Variants in GHR observed in about 807,000 individuals in gnomAD.
GHR encodes the protein GH receptor.
Under a neutral mutation model 67.1 loss-of-function variants are expected in GHR, and 35 were observed. That is an observed-to-expected ratio of 0.52 (90% CI 0.40 to 0.69). GHR has a LOEUF of 0.69. GHR is among the 30% of genes least tolerant of loss of function. The probability of loss-of-function intolerance (pLI) is 0.00; values close to 1 mark genes in which losing one functional copy is unlikely to be tolerated. For synonymous variants in GHR, 272 were observed against 269.1 expected (o/e 1.01, Z -0.10); for missense variants, 792 against 764.6 (o/e 1.04, Z -0.42).
At position 42,485,485 on chromosome 5, in the gene GHR, C is replaced by G. The variant is rs183536298; in HGVS notation, c.-12+61530C>G. On this transcript the variant is annotated intron_variant, in intron 1 of 9. Coordinates refer to ENST00000230882, the MANE Select transcript of GHR (RefSeq NM_000163.5). ...CTCTTTGATTAAATGCATGCCAGAT[C>G]CAACTTTACAGATGAGAAAAATGAG... is the stretch of plus-strand genomic sequence containing the variant. 2.0e-3 allele frequency among the ~76,000 whole-genome samples: 310 copies of G among 152,256 alleles called. 1 individual carries two copies. The highest frequency in any genetic ancestry group is 7.3e-3 in the African/African-American group (304 of 41,544).
At chr5:42,670,511 T>G (rs1222043528) in intron 3 of GHR, among the ~76,000 whole-genome samples, 1 of 151,824 alleles carries the variant, frequency 6.6e-6, no homozygotes, top group Non-Finnish European at 1.5e-5. Context: ...AAAGCAAAAA[T>G]AGACAAATGG....
At position 42,718,493 on chromosome 5, in the gene GHR, A is replaced by C. The variant is rs775435127; in HGVS notation, c.986A>C (p.His329Pro). The C allele has an allele frequency of 8.1e-6, 13 of 1,610,520 alleles. No individual in the cohort carries two copies. Among genetic ancestry groups the C allele is most frequent in the Non-Finnish European group, 1.1e-5 (13 of 1,176,778 alleles). ...LEEVNTILAI[H>P]DSYKPEFHSD... ...GAGGTGAACACAATCTTAGCCATTC[A>C]TGATAGCTATAAACCCGAATTCCAC... Residue 329 changes from histidine (H) to proline (P), a missense_variant, in exon 10 of 10, where the codon CAT becomes CCT. His to Pro is a moderately conservative substitution (Grantham distance 77). Coordinates refer to ENST00000230882, the MANE Select transcript of GHR (RefSeq NM_000163.5).
At chr5:42,490,391 C>G (rs1018078507) in intron 1 of GHR, among the ~76,000 whole-genome samples, 3 of 152,330 alleles carry the variant, frequency 2.0e-5, no homozygotes, top group African/African-American at 7.2e-5. Flanking sequence ...GCTGTACAAT[C>G]GAATCCACCT....
At chr5:42,584,750 C>T (rs7707913) in intron 2 of GHR, among the ~76,000 whole-genome samples, 43,455 of 151,734 alleles carry the variant, frequency 0.29, 7,131 homozygotes, top group African/African-American at 0.43. Context: ...TGTTAGAACA[C>T]TCATACAGAT....
At chr5:42,432,973 A>G (rs1743159823) in intron 1 of GHR, among the ~76,000 whole-genome samples, 1 of 152,194 alleles carries the variant, frequency 6.6e-6, no homozygotes, top group Admixed American at 6.6e-5. Flanking sequence ...TTTGAGGGCA[A>G]AAGGATGTAG....
At chr5:42,473,572 A>G (rs529020307) in intron 1 of GHR, among the ~76,000 whole-genome samples, 1 of 152,190 alleles carries the variant, frequency 6.6e-6, no homozygotes, top group Admixed American at 6.5e-5. Flanking sequence ...AGCAAATTAG[A>G]AAGGTCTATT....
chr5:42,529,899 A>C (rs1747882345), intron 1 of GHR, among the ~76,000 whole-genome samples: 1 of 152,140 alleles, frequency 6.6e-6, no homozygotes, highest in African/African-American at 2.4e-5. Context: ...CTTCACCTGA[A>C]ATAAGTTAAA....
chr5:42,708,110 A>T (rs1262814164), intron 6 of GHR, among the ~76,000 whole-genome samples: 3 of 152,142 alleles, frequency 2.0e-5, no homozygotes, highest in Non-Finnish European at 2.9e-5. Context: ...AAATATAACA[A>T]AGTACAAAAA....
At position 42,423,645 on chromosome 5, in the gene GHR, G is replaced by C. The variant is rs577014891; in HGVS notation, c.-322G>C. 3.9e-5 allele frequency: 6 copies of C among 153,310 alleles called. No homozygotes were observed. The highest frequency in any genetic ancestry group is 3.3e-4 in the Admixed American group (5 of 15,308). 9.5% of individuals were successfully genotyped at this position (153,310 alleles called of 1,614,324 possible). ...GCGTGACCCCTGGTGAACGGTGGCCGCCTTTTCCCACCCCTGCCCTCCCAT... is the reference window on the plus strand; with the variant it reads ...GCGTGACCCCTGGTGAACGGTGGCCCCCTTTTCCCACCCCTGCCCTCCCAT... On this transcript the variant is annotated 5_prime_UTR_variant, in exon 1 of 10. Transcript: ENST00000230882.
chr5:42,627,988 G>A (rs1210859911), intron 2 of GHR, among the ~76,000 whole-genome samples: 1 of 152,216 alleles, frequency 6.6e-6, no homozygotes, highest in Non-Finnish European at 1.5e-5. Flanking sequence ...GGAGTGGGAA[G>A]TGGGGATGGA....
intron 1 of GHR, among the ~76,000 whole-genome samples, chr5:42,526,612 A>G (rs909130949): frequency 8.5e-5 from 13 of 152,226 alleles, no homozygotes; most frequent in African/African-American, 1.4e-4. Context: ...TAAGACTTCA[A>G]AACTTCAAAG....
At chr5:42,646,349 C>T (rs1754727822) in intron 3 of GHR, 1 of 455,022 alleles carries the variant, frequency 2.2e-6, no homozygotes. Flanking sequence ...TCCATGCTCA[C>T]ATATCAAGAA....
intron 1 of GHR, among the ~76,000 whole-genome samples, chr5:42,456,467 G>A (rs944195754): frequency 1.3e-5 from 2 of 152,264 alleles, no homozygotes; most frequent in African/African-American, 4.8e-5. Flanking sequence ...CTATAGGTTA[G>A]TTTTCTCCAG....
At chr5:42,715,921 G>C (rs1441695388) in intron 8 of GHR, among the ~76,000 whole-genome samples, 3 of 152,154 alleles carry the variant, frequency 2.0e-5, no homozygotes, top group African/African-American at 7.2e-5. Context: ...CAACTGGCTT[G>C]CTTTATTCCT....
rs957709827 is a variant in GHR at position 42,424,697 on chromosome 5, C to T, written c.-12+742C>T. 4.1e-5 allele frequency: 50 copies of T among 1,207,474 alleles called. 2 individuals are homozygous for T. The South Asian group carries it at 4.8e-4, about 12-fold the overall frequency. The allele number at this position is 1,207,474 out of a possible 1,614,324, so 74.8% of individuals were successfully genotyped here. On this transcript the variant is annotated intron_variant, in intron 1 of 9. Coordinates refer to ENST00000230882, the MANE Select transcript of GHR (RefSeq NM_000163.5). This position sits in a 1 kb window ranked among gnomAD's most constrained non-coding sequence, Gnocchi z 4.1. ...AAAGTTTTGACAGAACTGCCAGAGG[C>T]TGCGGGTCAATGGGGTGGCCGCGTG... is the stretch of plus-strand genomic sequence containing the variant.
At chr5:42,450,873 T>C (rs946401408) in intron 1 of GHR, among the ~76,000 whole-genome samples, 19 of 152,236 alleles carry the variant, frequency 1.2e-4, no homozygotes, top group Admixed American at 3.9e-4. Flanking sequence ...TTCATCTTGA[T>C]TTCATTGTTG....
chr5:42,714,830 G>GT (rs1266435229), intron 8 of GHR, among the ~76,000 whole-genome samples: 4 of 152,062 alleles, frequency 2.6e-5, no homozygotes, highest in Non-Finnish European at 5.9e-5. Context: ...AAATTATTCT[G>GT]TTGATTAATT....
At chr5:42,654,671 G>A (rs1289952781) in intron 3 of GHR, among the ~76,000 whole-genome samples, 1 of 152,114 alleles carries the variant, frequency 6.6e-6, no homozygotes, top group East Asian at 1.9e-4. Flanking sequence ...CAAAAATGGA[G>A]TTTCCTAAGC....
chr5:42,678,876 T>TGTGC (rs1208175998), intron 3 of GHR, among the ~76,000 whole-genome samples: 1 of 151,274 alleles, frequency 6.6e-6, no homozygotes, highest in Non-Finnish European at 1.5e-5. Context: ...TTATTTTACA[T>TGTGC]GTGCGTGTGT....
Sources: allele counts gnomAD v4.1 joint callset (sites outside exome capture counted in the v4.1 genomes callset), GRCh38; gene constraint gnomAD v4.1.1; non-coding constraint Gnocchi (gnomAD v3.1); transcripts MANE v1.5; gene names NCBI Gene and HGNC (gene_info 2026-07-23, HGNC 2026-07-21).